The following CMTM8 variants were observed in gnomAD, a reference collection of about 807,000 sequenced individuals.
The protein encoded by CMTM8 is CKLF-like MARVEL transmembrane domain-containing protein 8.
CMTM8 carries 12 observed loss-of-function variants against 18.6 expected under a neutral mutation model. The observed-to-expected ratio is 0.65, with a 90% confidence interval of 0.41 to 1.05. The LOEUF is 1.05. Among genes scored for constraint, CMTM8 ranks in the 50% least tolerant of loss-of-function variants. The probability of loss-of-function intolerance (pLI) is 0.00; values close to 1 mark genes in which losing one functional copy is unlikely to be tolerated. For synonymous variants in CMTM8, 87 were observed against 90.6 expected (o/e 0.96, Z 0.23); for missense variants, 217 against 227.2 (o/e 0.95, Z 0.29).
intron 1 of CMTM8, among the ~76,000 whole-genome samples, chr3:32,315,989 T>C (rs900615209): frequency 1.4e-5 from 2 of 147,530 alleles, no homozygotes; most frequent in Non-Finnish European, 3.0e-5. Context: ...AGATCTAAAA[T>C]TTTACTTGAT....
chr3:32,273,129 A>ATGTGTGTGTGTGTGTGTGTG lies in CMTM8; in HGVS notation c.147+34024_147+34043dup, dbSNP rs60162265. On this transcript the variant is annotated intron_variant, in intron 1 of 3. Transcript: ENST00000307526. ...CAAGGGTGTGGAGAAATTGGAACAA[A>ATGTGTGTGTGTGTGTGTGTG]TGTGTGTGTGTGTGTGTGTGTGTGT... Among the ~76,000 whole-genome samples the ATGTGTGTGTGTGTGTGTGTG allele has an allele frequency of 5.1e-3, 724 of 142,996 alleles. 5 individuals are homozygous for ATGTGTGTGTGTGTGTGTGTG. The highest frequency in any genetic ancestry group is 0.011 in the East Asian group (52 of 4,626). The allele number at this position is 142,996 out of a possible 152,430, so 93.8% of individuals were successfully genotyped here.
intron 1 of CMTM8, among the ~76,000 whole-genome samples, chr3:32,270,517 A>G (rs1232381376): frequency 6.6e-6 from 1 of 152,218 alleles, no homozygotes; most frequent in Non-Finnish European, 1.5e-5. Flanking sequence ...TGGCACATAG[A>G]CACCGTGGAA....
intron 1 of CMTM8, 124 bp downstream of exon 1, chr3:32,239,243 C>G: frequency 7.5e-6 from 8 of 1,072,048 alleles, no homozygotes; most frequent in Non-Finnish European, 1.1e-5. Context: ...CGTTTTTGCT[C>G]AGCCTCGCCT....
intron 1 of CMTM8, among the ~76,000 whole-genome samples, chr3:32,341,853 C>T (rs778816646): frequency 4.0e-5 from 6 of 151,368 alleles, no homozygotes; most frequent in African/African-American, 7.3e-5. Context: ...CTAGCCTGGG[C>T]GACAGAGCAA....
At position 32,269,766 on chromosome 3, in the gene CMTM8, T is replaced by G. The variant is rs191431123; in HGVS notation, c.147+30647T>G. On this transcript the variant is annotated intron_variant, in intron 1 of 3. Transcript: ENST00000307526. ...TTTTGTGTAAAATATCATACAGTAC[T>G]AAAACCCATATACAATTTATTTGTT... 8.5e-5 allele frequency among the ~76,000 whole-genome samples: 13 copies of G among 152,324 alleles called. No individual in the cohort carries two copies. In the East Asian group the frequency reaches 1.9e-3, roughly 23 times the overall value.
intron 1 of CMTM8, among the ~76,000 whole-genome samples, chr3:32,250,458 T>A (rs1702098656): frequency 6.6e-6 from 1 of 152,240 alleles, no homozygotes; most frequent in African/African-American, 2.4e-5. Context: ...CTGTTGAATC[T>A]ATAGATCAAT....
intron 1 of CMTM8, among the ~76,000 whole-genome samples, chr3:32,351,356 A>C (rs1051441057): frequency 6.6e-6 from 1 of 152,232 alleles, no homozygotes; most frequent in Non-Finnish European, 1.5e-5. Flanking sequence ...GAATGTTTTT[A>C]TAATCTTCTG....
At chr3:32,312,147 G>T (rs1695831992) in intron 1 of CMTM8, among the ~76,000 whole-genome samples, 1 of 152,100 alleles carries the variant, frequency 6.6e-6, no homozygotes, top group Admixed American at 6.5e-5. Flanking sequence ...GCTATTTGTG[G>T]CGTCAGTCTA....
intron 1 of CMTM8, among the ~76,000 whole-genome samples, chr3:32,309,647 G>A (rs946431699): frequency 1.3e-5 from 2 of 152,012 alleles, no homozygotes; most frequent in Non-Finnish European, 2.9e-5. Context: ...GGACTCTTGT[G>A]TCCATGTAGT....
At chr3:32,359,047 G>A (rs1696868697) in intron 2 of CMTM8, among the ~76,000 whole-genome samples, 2 of 152,216 alleles carry the variant, frequency 1.3e-5, no homozygotes, top group African/African-American at 2.4e-5. Flanking sequence ...CTTGGACAGT[G>A]TAGTAGGGGA....
At chr3:32,285,162 G>C (rs1203484081) in intron 1 of CMTM8, among the ~76,000 whole-genome samples, 1 of 152,164 alleles carries the variant, frequency 6.6e-6, no homozygotes, top group Non-Finnish European at 1.5e-5. Flanking sequence ...ATGTAATATA[G>C]TAGTAAAAAG....
intron 1 of CMTM8, among the ~76,000 whole-genome samples, chr3:32,280,865 A>G (rs1702598480): frequency 6.8e-6 from 1 of 146,948 alleles, no homozygotes; most frequent in Admixed American, 6.9e-5. Flanking sequence ...AAAAAAAAAA[A>G]AAAAAGTGAC....
At position 32,270,311 on chromosome 3, in the gene CMTM8, G is replaced by A. The variant is rs190070395; in HGVS notation, c.147+31192G>A. 1.1e-3 allele frequency among the ~76,000 whole-genome samples: 168 copies of A among 152,292 alleles called. 1 individual carries two copies. Among genetic ancestry groups the A allele is most frequent in the African/African-American group, 3.8e-3 (159 of 41,546 alleles). On this transcript the variant is annotated intron_variant, in intron 1 of 3. Coordinates refer to ENST00000307526, the MANE Select transcript of CMTM8 (RefSeq NM_178868.5). ...TACCACCATTGTGAAAGTCAGTGTG[G>A]TGATTCCTCAGGGATCTAGAACTGG...
chr3:32,292,409 T>C (rs2125557138), intron 1 of CMTM8, among the ~76,000 whole-genome samples: 1 of 152,304 alleles, frequency 6.6e-6, no homozygotes, highest in Non-Finnish European at 1.5e-5. Flanking sequence ...CCTCTCCTGT[T>C]TCCCATATGT....
Position 32,301,087 on chromosome 3 carries a change from A to G in CMTM8, c.148-56286A>G, listed in dbSNP as rs1695604310. Reference sequence around the variant, plus strand: ...ATTGCAAATGATTTTTGTCCAGTTAAGATGGGAAGGATTTCTTATGGCAGA... The same window carrying G: ...ATTGCAAATGATTTTTGTCCAGTTAGGATGGGAAGGATTTCTTATGGCAGA... On this transcript the variant is annotated intron_variant, in intron 1 of 3. Coordinates refer to ENST00000307526, the MANE Select transcript of CMTM8 (RefSeq NM_178868.5). Among the ~76,000 whole-genome samples, 3 of 152,338 alleles carry G rather than the reference A, an allele frequency of 2.0e-5. No individual in the cohort carries two copies. In the South Asian group the frequency reaches 6.2e-4, roughly 32 times the overall value.
At chr3:32,300,977 C>A (rs6791285) in intron 1 of CMTM8, among the ~76,000 whole-genome samples, 4,653 of 82,814 alleles carry the variant, frequency 0.056, 247 homozygotes, top group African/African-American at 0.16. Context: ...AAAAAAAAAT[C>A]TTTTAATTTT....
chr3:32,248,601 T>G (rs1319699708), intron 1 of CMTM8, among the ~76,000 whole-genome samples: 1 of 151,202 alleles, frequency 6.6e-6, no homozygotes. Context: ...TGACCTCAGG[T>G]GATCCACCTG....
chr3:32,318,048 T>C (rs796724632), intron 1 of CMTM8, among the ~76,000 whole-genome samples: 2 of 109,030 alleles, frequency 1.8e-5, no homozygotes, highest in African/African-American at 7.4e-5. Context: ...AGAACGAAAC[T>C]CTGTCTCAAA....
intron 1 of CMTM8, among the ~76,000 whole-genome samples, chr3:32,309,105 C>T (rs920761300): frequency 8.6e-5 from 13 of 151,990 alleles, no homozygotes; most frequent in African/African-American, 1.7e-4. Flanking sequence ...GTCATATGTA[C>T]GCATGTGTAC....
Sources: gnomAD v4.1 joint callset for allele counts (sites outside exome capture counted in the v4.1 genomes callset) on GRCh38, gnomAD v4.1.1 for gene constraint, MANE v1.5 for transcripts, NCBI Gene and HGNC (gene_info 2026-07-23, HGNC 2026-07-21) for gene names.